Variants in ANXA10 observed in about 807,000 individuals in gnomAD.
The protein encoded by ANXA10 is annexin A10.
A neutral mutation model predicts 53.5 loss-of-function variants in ANXA10; 49 were observed. That is an observed-to-expected ratio of 0.92 (90% CI 0.73 to 1.16). ANXA10 has a LOEUF of 1.16. Ranked by LOEUF, ANXA10 falls within the 50% of genes most tolerant of loss-of-function variation. ANXA10 has a pLI of 0.00. For synonymous variants in ANXA10, 131 were observed against 128.9 expected (o/e 1.02, Z -0.11); for missense variants, 393 against 394.4 (o/e 1.00, Z 0.03).
intron 3 of ANXA10, among the ~76,000 whole-genome samples, chr4:168,160,259 T>C (rs1731759413): frequency 6.6e-6 from 1 of 152,052 alleles, no homozygotes; most frequent in Non-Finnish European, 1.5e-5. Flanking sequence ...TTCTCCTCCA[T>C]GTGTCCATGT....
intron 1 of ANXA10, 38 bp downstream of exon 1, chr4:168,092,756 T>G: frequency 6.7e-7 from 1 of 1,483,484 alleles, no homozygotes; most frequent in African/African-American, 1.5e-5. Flanking sequence ...CTTTTCACTC[T>G]TTTGAAACTT....
At chr4:168,164,972 A>G (rs1279435163) in intron 5 of ANXA10, among the ~76,000 whole-genome samples, 3 of 152,226 alleles carry the variant, frequency 2.0e-5, no homozygotes, top group South Asian at 2.1e-4. Context: ...AATAGAATGC[A>G]TAATTCTGAA....
intron 4 of ANXA10, 130 bp from the exon 5 acceptor site, chr4:168,164,068 T>A: frequency 3.0e-6 from 2 of 667,100 alleles, no homozygotes; most frequent in South Asian, 4.3e-5. Context: ...CCTGCCTTCA[T>A]CCTAAACCAC....
chr4:168,113,079 A>G (rs1465193164), intron 1 of ANXA10: 2 of 152,228 alleles, frequency 1.3e-5, no homozygotes, highest in Non-Finnish European at 2.9e-5. Flanking sequence ...CTGTTTCTTC[A>G]ACTTTAGTAA....
At chr4:168,104,941 T>C (rs1730695776) in intron 1 of ANXA10, among the ~76,000 whole-genome samples, 1 of 151,918 alleles carries the variant, frequency 6.6e-6, no homozygotes, top group African/African-American at 2.4e-5. Context: ...CGTTCTAATA[T>C]ATTTATATTT....
intron 1 of ANXA10, among the ~76,000 whole-genome samples, chr4:168,114,688 T>A (rs573986570): frequency 3.2e-4 from 49 of 152,288 alleles, no homozygotes; most frequent in Non-Finnish European, 6.8e-4. Flanking sequence ...TCTCCCTCTA[T>A]GTGTCCATGT....
chr4:168,152,232 C>T (rs1731509848), intron 3 of ANXA10, among the ~76,000 whole-genome samples: 1 of 152,090 alleles, frequency 6.6e-6, no homozygotes, highest in African/African-American at 2.4e-5. Context: ...ATAAACAGGG[C>T]AGGCTTCACT....
In ANXA10 at chr4:168,115,823, T is replaced by A. The variant is rs944965781; in HGVS notation, c.19-12261T>A. Among the ~76,000 whole-genome samples, 4 of 152,182 alleles carry A rather than the reference T, an allele frequency of 2.6e-5. No individual in the cohort carries two copies. The South Asian group carries it at 8.3e-4, about 32-fold the overall frequency. On this transcript the variant is annotated intron_variant, in intron 1 of 11. Transcript: ENST00000359299. ...AGTCTTCTCGTGTGTGAAATAAGAT[T>A]ATCAGTCTCACAAGACTGCTGAGGT...
intron 2 of ANXA10, among the ~76,000 whole-genome samples, chr4:168,134,364 A>C (rs1731201471): frequency 6.6e-6 from 1 of 152,164 alleles, no homozygotes; most frequent in African/African-American, 2.4e-5. Flanking sequence ...TTGTAATACA[A>C]TTATTGAGAT....
intron 6 of ANXA10, among the ~76,000 whole-genome samples, chr4:168,173,698 A>T (rs997691250): frequency 1.3e-5 from 2 of 152,182 alleles, no homozygotes; most frequent in African/African-American, 4.8e-5. Context: ...CACACCAAAG[A>T]CAGTTTAAAG....
chr4:168,116,406 A>G (rs1425562683), intron 1 of ANXA10, among the ~76,000 whole-genome samples: 1 of 152,160 alleles, frequency 6.6e-6, no homozygotes, highest in Non-Finnish European at 1.5e-5. Context: ...TGTGTAAATT[A>G]TATGTGCAGT....
At chr4:168,114,736 T>G (rs576155973) in intron 1 of ANXA10, among the ~76,000 whole-genome samples, 78 of 152,304 alleles carry the variant, frequency 5.1e-4, no homozygotes, top group Non-Finnish European at 9.0e-4. Context: ...AGTAAGAACA[T>G]GCAATATTTG....
chr4:168,104,473 TCTTC>T (rs1368955929), intron 1 of ANXA10, among the ~76,000 whole-genome samples: 1 of 152,016 alleles, frequency 6.6e-6, no homozygotes, highest in African/African-American at 2.4e-5. Flanking sequence ...TGATATTATT[TCTTC>T]CTTAAATGGT....
chr4:168,127,452 T>C (rs760341674), intron 1 of ANXA10, among the ~76,000 whole-genome samples: 4 of 152,150 alleles, frequency 2.6e-5, no homozygotes, highest in Non-Finnish European at 4.4e-5. Context: ...AAAGCTGTAG[T>C]AGCAGGTACC....
intron 3 of ANXA10, among the ~76,000 whole-genome samples, chr4:168,140,618 CT>C (rs35945870): frequency 0.071 from 10,451 of 146,914 alleles, 1,052 homozygotes; most frequent in African/African-American, 0.23. Flanking sequence ...TAAGAAATGT[CT>C]TTTTTTTTTT....
At chr4:168,178,276 A>G (rs1732172152) in intron 8 of ANXA10, 3 of 355,910 alleles carry the variant, frequency 8.4e-6, no homozygotes, top group African/African-American at 6.3e-5. Flanking sequence ...CCTATTAGGT[A>G]TATTATATGT....
chr4:168,115,213 C>A (rs1730873481), intron 1 of ANXA10, among the ~76,000 whole-genome samples: 2 of 152,068 alleles, frequency 1.3e-5, no homozygotes, highest in Admixed American at 6.6e-5. Flanking sequence ...TCTAGTCTAT[C>A]ACTGGTGGGC....
chr4:168,178,738 C>T (rs1732182467), intron 8 of ANXA10, among the ~76,000 whole-genome samples: 1 of 152,112 alleles, frequency 6.6e-6, no homozygotes, highest in Non-Finnish European at 1.5e-5. Flanking sequence ...AATTAGTAAA[C>T]CCTAGTCTAC....
At chr4:168,141,951 G>C (rs533815113) in intron 3 of ANXA10, among the ~76,000 whole-genome samples, 33 of 152,066 alleles carry the variant, frequency 2.2e-4, no homozygotes, top group Non-Finnish European at 4.4e-4. Flanking sequence ...GGTTGGATAC[G>C]AATTCTATCT....
Sources: allele counts gnomAD v4.1 joint callset (sites outside exome capture counted in the v4.1 genomes callset), GRCh38; gene constraint gnomAD v4.1.1; transcripts MANE v1.5; gene names NCBI Gene and HGNC (gene_info 2026-07-23, HGNC 2026-07-21).